Variants in SPRED1 observed in about 807,000 individuals in gnomAD.
SPRED1 encodes the protein sprouty related EVH1 domain containing 1.
A neutral mutation model predicts 52.3 loss-of-function variants in SPRED1; 18 were observed. The ratio of observed to expected loss-of-function variants is 0.34; its 90% CI spans 0.24 to 0.51. The LOEUF is 0.51. Ranked by LOEUF, SPRED1 falls within the 20% of genes least tolerant of loss-of-function variation. SPRED1 has a pLI of 0.97. For synonymous variants in SPRED1, 155 were observed against 179.7 expected (o/e 0.86, Z 1.10); for missense variants, 485 against 551.0 (o/e 0.88, Z 1.20).
intron 4 of SPRED1, among the ~76,000 whole-genome samples, chr15:38,336,404 G>GTGTGTGTGTGTGTGTGTA: frequency 1.7e-5 from 1 of 59,978 alleles, no homozygotes; most frequent in East Asian, 4.0e-4. Flanking sequence ...GTGTGTGTGT[G>GTGTGTGTGTGTGTGTGTA]TGTATGTGTA....
Position 38,355,205 on chromosome 15 carries a change from C to G in SPRED1, c.*3541C>G, listed in dbSNP as rs1375189406. The G allele has an allele frequency of 6.6e-6, 1 of 152,342 alleles. No homozygotes were observed. The highest frequency in any genetic ancestry group is 1.9e-4 in the East Asian group (1 of 5,188). The allele number at this position is 152,342 out of a possible 1,614,324, so 9.4% of individuals were successfully genotyped here. A position where few individuals can be genotyped will look rare whatever the true frequency, so the allele number is the denominator to read the frequency against. On this transcript the variant is annotated 3_prime_UTR_variant, in exon 7 of 7. Coordinates refer to ENST00000299084, the MANE Select transcript of SPRED1 (RefSeq NM_152594.3). ...TCCTGACCTTAGGTGATCCACCCACCTCGGCCTCCCAAAGTGCTGGGATTA... is the reference window on the plus strand; with the variant it reads ...TCCTGACCTTAGGTGATCCACCCACGTCGGCCTCCCAAAGTGCTGGGATTA...
At chr15:38,336,097 C>A (rs974846546) in intron 4 of SPRED1, among the ~76,000 whole-genome samples, 1 of 151,784 alleles carries the variant, frequency 6.6e-6, no homozygotes, top group African/African-American at 2.4e-5. Flanking sequence ...GACTTTTTAA[C>A]ACTAAACATT....
At chr15:38,332,096 C>T (rs1895816973) in intron 4 of SPRED1, among the ~76,000 whole-genome samples, 1 of 152,062 alleles carries the variant, frequency 6.6e-6, no homozygotes, top group Admixed American at 6.6e-5. Flanking sequence ...AGAAAAAGAG[C>T]ACTGTGTGGA....
chr15:38,348,761 T>C (rs893007635), intron 5 of SPRED1, among the ~76,000 whole-genome samples: 1 of 152,136 alleles, frequency 6.6e-6, no homozygotes, highest in South Asian at 2.1e-4. Context: ...CTTTTATGTA[T>C]ATTAGAATTT....
chr15:38,325,057 C>T (rs922746800), intron 4 of SPRED1, among the ~76,000 whole-genome samples: 4 of 152,106 alleles, frequency 2.6e-5, no homozygotes, highest in Admixed American at 6.6e-5. Context: ...AAGCTGGTCT[C>T]GAACTCCTGG....
chr15:38,293,476 T>G (rs1467891133), intron 1 of SPRED1, among the ~76,000 whole-genome samples: 5 of 152,154 alleles, frequency 3.3e-5, no homozygotes, highest in African/African-American at 1.2e-4. Context: ...CCATGTTTAA[T>G]ATTTGCTCTA....
rs562122784 is a variant in SPRED1 at position 38,347,803 on chromosome 15, T to C, written c.583-1619T>C. 4.2e-4 allele frequency among the ~76,000 whole-genome samples: 64 copies of C among 152,200 alleles called. No homozygotes were observed. In the East Asian group the frequency reaches 9.2e-3, roughly 22 times the overall value. On this transcript the variant is annotated intron_variant, in intron 5 of 6. Coordinates refer to ENST00000299084, the MANE Select transcript of SPRED1 (RefSeq NM_152594.3). ...ACCAGCTTTGAAGAAGCATCTCTTA[T>C]GACTTTTTCAGCTGATAAATTTTCC...
intron 4 of SPRED1, among the ~76,000 whole-genome samples, chr15:38,339,368 A>C (rs1895985421): frequency 6.6e-6 from 1 of 152,180 alleles, no homozygotes. Context: ...GCAAAATAAA[A>C]CATAGATTTG....
rs138713545 is a variant in SPRED1 at position 38,273,014 on chromosome 15, G to T, written c.32+19797G>T. On this transcript the variant is annotated intron_variant, in intron 1 of 6. Coordinates refer to ENST00000299084, the MANE Select transcript of SPRED1 (RefSeq NM_152594.3). ...CTCTGTTGATAGTTTCCTTTGCTGT[G>T]CAGAAGCTGTTAGTTTAATTAGGTC... Among the ~76,000 whole-genome samples the T allele has an allele frequency of 3.3e-5, 5 of 152,266 alleles. No individual in the cohort carries two copies. The East Asian group carries it at 9.6e-4, about 29-fold the overall frequency.
At chr15:38,348,569 A>G (rs559839211) in intron 5 of SPRED1, among the ~76,000 whole-genome samples, 56 of 152,178 alleles carry the variant, frequency 3.7e-4, no homozygotes, top group African/African-American at 1.2e-3. Context: ...ATACTATTTG[A>G]AAATTTTGCT....
rs751824076 is a variant in SPRED1, at chr15:38,354,925, C to T, written c.*3261C>T. 6.6e-6 allele frequency: 1 copy of T among 152,148 alleles called. No individual in the cohort carries two copies. The highest frequency in any genetic ancestry group is 2.4e-5 in the African/African-American group (1 of 41,432). The allele number at this position is 152,148 out of a possible 1,614,324, so 9.4% of individuals were successfully genotyped here. The stretch of plus-strand genomic sequence containing the variant: ...AAACATAATCACACCTGTATTTTAT[C>T]ATGACAGCTTCAGAGAGTGTGTGTG... On this transcript the variant is annotated 3_prime_UTR_variant, in exon 7 of 7. Transcript: ENST00000299084.
In SPRED1 at chr15:38,322,278, A is replaced by G; in HGVS notation, c.245A>G (p.Tyr82Cys). 1 of 1,613,874 alleles carries G rather than the reference A, an allele frequency of 6.2e-7. No individual in the cohort carries two copies. Among genetic ancestry groups the G allele is most frequent in the Non-Finnish European group, 8.5e-7 (1 of 1,179,876 alleles). The stretch of plus-strand genomic sequence containing the variant: ...TGTATGCTTAAAAAAGACCTCATTT[A>G]TAATAAGGTCACTCCAACATTTCAC... ...LECMLKKDLI[Y>C]NKVTPTFHHW... is the part of the protein sequence containing the mutation. The change falls in exon 3 of 7, where the codon TAT becomes TGT. Residue 82 changes from tyrosine to cysteine, a missense_variant. Around this residue, in one of 5 missense-constraint regions of SPRED1, gnomAD observed 232 missense variants for 231.8 expected, o/e 1.00. Transcript: ENST00000299084.
In SPRED1 at chr15:38,256,848, A is replaced by G. The variant is rs557910339; in HGVS notation, c.32+3631A>G. Among the ~76,000 whole-genome samples, 3 of 152,234 alleles carry G rather than the reference A, an allele frequency of 2.0e-5. No homozygotes were observed. In the East Asian group the frequency reaches 5.8e-4, roughly 29 times the overall value. ...ATATATATATATATAAAATTGGAAAACATTCTAGAAATAAATGGAAGCACT... is the reference window on the plus strand; with the variant it reads ...ATATATATATATATAAAATTGGAAAGCATTCTAGAAATAAATGGAAGCACT... On this transcript the variant is annotated intron_variant, in intron 1 of 6. Coordinates refer to ENST00000299084, the MANE Select transcript of SPRED1 (RefSeq NM_152594.3).
At chr15:38,329,916 T>C (rs1895776215) in intron 4 of SPRED1, among the ~76,000 whole-genome samples, 1 of 152,198 alleles carries the variant, frequency 6.6e-6, no homozygotes, top group African/African-American at 2.4e-5. Context: ...TCTTAGCTAT[T>C]ACATTATGTA....
At chr15:38,325,917 T>A (rs1895702866) in intron 4 of SPRED1, 1 of 152,170 alleles carries the variant, frequency 6.6e-6, no homozygotes, top group Non-Finnish European at 1.5e-5. Context: ...TTTAAGCCAC[T>A]AAATTTGGGA....
chr15:38,349,552 T>C (rs757678569), intron 6 of SPRED1, 29 bp downstream of exon 6: 8 of 1,432,122 alleles, frequency 5.6e-6, no homozygotes, highest in African/African-American at 3.0e-5. Context: ...TCTTGTGATA[T>C]GGAATTTAAC....
At chr15:38,324,868 C>G (rs967177024) in intron 4 of SPRED1, 59 bp downstream of exon 4, 1 of 1,332,950 alleles carries the variant, frequency 7.5e-7, no homozygotes, top group Non-Finnish European at 1.1e-6. Flanking sequence ...AATCACTAGC[C>G]TTATTCAATA....
At chr15:38,348,151 G>A (rs772450745) in intron 5 of SPRED1, among the ~76,000 whole-genome samples, 21 of 151,578 alleles carry the variant, frequency 1.4e-4, no homozygotes, top group Non-Finnish European at 4.4e-5. Flanking sequence ...GTTCTATCAG[G>A]AAAAAAAATT....
Position 38,260,329 on chromosome 15 carries a change from T to C in SPRED1, c.32+7112T>C, listed in dbSNP as rs149508469. ...ATAATTCCATGTCTTCATCATCACA[T>C]GGCGGTGTTCTCCCTGTGTGTTTCT... On this transcript the variant is annotated intron_variant, in intron 1 of 6. Transcript: ENST00000299084. Among the ~76,000 whole-genome samples the C allele has an allele frequency of 1.2e-4, 19 of 152,334 alleles. No individual in the cohort carries two copies. In the East Asian group the frequency reaches 3.7e-3, roughly 29 times the overall value.
Sources: allele counts gnomAD v4.1 joint callset (sites outside exome capture counted in the v4.1 genomes callset), GRCh38; gene constraint gnomAD v4.1.1; regional missense constraint gnomAD v4.1.1; transcripts MANE v1.5; gene names NCBI Gene and HGNC (gene_info 2026-07-23, HGNC 2026-07-21).